The following SH2B2 variants were observed in gnomAD, a reference collection of about 807,000 sequenced individuals.
The protein encoded by SH2B2 is SH2B adapter protein 2.
SH2B2 carries 37 observed loss-of-function variants against 35.7 expected under a neutral mutation model. The observed-to-expected ratio is 1.04, with a 90% CI of 0.80 to 1.36. SH2B2 has a LOEUF of 1.36. SH2B2 is among the 40% of genes most tolerant of loss of function. SH2B2 has a pLI of 0.00. For synonymous variants in SH2B2, 383 were observed against 376.4 expected, an observed-to-expected ratio of 1.02 and a Z score of -0.20; for missense variants, 852 against 817.7, an observed-to-expected ratio of 1.04 and a Z score of -0.51.
rs1792950023 is a variant in SH2B2 at position 102,297,157 on chromosome 7, C to A, written c.-29-3365C>A. Among the ~76,000 whole-genome samples the A allele has an allele frequency of 6.6e-6, 1 of 152,090 alleles. No homozygotes were observed. The highest frequency in any genetic ancestry group is 2.4e-5 in the African/African-American group (1 of 41,396). ...TGAGTAGCAGGATGAAGTCTCAAAC[C>A]ATCCCGCTGTTCTGCCTGGGATGTG... On this transcript the variant is annotated intron_variant, in intron 1 of 8. Transcript: ENST00000444095. This position sits in a 1 kb window ranked among gnomAD's most constrained non-coding sequence, Gnocchi z 4.3.
In SH2B2 at chr7:102,300,660, A is replaced by G. The variant is rs1222141493; in HGVS notation, c.110A>G (p.Asp37Gly). The change falls in exon 2 of 9, where the codon GAC becomes GGC. Residue 37 changes from aspartate (D) to glycine (G), a missense_variant. Asp to Gly is a moderately conservative substitution (Grantham distance 94, BLOSUM62 -1). This residue lies in a region of SH2B2 where 294 missense variants were observed against 286.6 expected (regional missense o/e 1.03). Coordinates refer to ENST00000444095, the MANE Select transcript of SH2B2 (RefSeq NM_001359228.2). The part of the protein sequence containing the change: ...CELHAQAAAV[D>G]FAHKFCRFLR... Reference sequence around the variant, plus strand: ...CTGCATGCGCAGGCGGCCGCCGTGGACTTTGCGCACAAGTTCTGCCGTTTC... The same window carrying G: ...CTGCATGCGCAGGCGGCCGCCGTGGGCTTTGCGCACAAGTTCTGCCGTTTC... 4 of 1,549,306 alleles carry G rather than the reference A, an allele frequency of 2.6e-6. No individual in the cohort carries two copies. Among genetic ancestry groups the G allele is most frequent in the Non-Finnish European group, 1.7e-6 (2 of 1,144,920 alleles).
chr7:102,299,197 C>CTTTTTTTTTTTTTGTTTTTTTTTT, intron 1 of SH2B2, among the ~76,000 whole-genome samples: 1 of 24,634 alleles, frequency 4.1e-5, no homozygotes, highest in Non-Finnish European at 6.9e-5. Context: ...CCGCGCCTGG[C>CTTTTTTTTTTTTTGTTTTTTTTTT]TTTTTTTTTT....
rs1554554898 is a variant in SH2B2, at chr7:102,306,701, A to C, written c.730-20A>C. 5 of 1,549,416 alleles carry C rather than the reference A, an allele frequency of 3.2e-6. No homozygotes were observed. Among genetic ancestry groups the C allele is most frequent in the Non-Finnish European group, 1.8e-6 (2 of 1,139,734 alleles). Reference sequence around the variant, plus strand: ...TCGGGAAATGCTGGGGCCACTCACTATCCTTCTTCTGGCCCCCAGGCCTCC... The same window carrying C: ...TCGGGAAATGCTGGGGCCACTCACTCTCCTTCTTCTGGCCCCCAGGCCTCC... On this transcript the variant is annotated intron_variant, in intron 2 of 8. Coordinates refer to ENST00000444095, the MANE Select transcript of SH2B2 (RefSeq NM_001359228.2).
At chr7:102,310,582 A>G (rs753588383) in intron 4 of SH2B2, among the ~76,000 whole-genome samples, 23 of 152,208 alleles carry the variant, frequency 1.5e-4, no homozygotes, top group Non-Finnish European at 2.8e-4. Flanking sequence ...GCAGCCCGAC[A>G]GGCTGAGCAA....
chr7:102,321,457 G>A lies in SH2B2; in HGVS notation c.1726G>A (p.Ala576Thr). The A allele has an allele frequency of 1.6e-6, 2 of 1,231,012 alleles. No homozygotes were observed. Among genetic ancestry groups the A allele is most frequent in the African/African-American group, 1.6e-5 (1 of 62,534 alleles). 76.3% of individuals were successfully genotyped at this position (1,231,012 alleles called of 1,614,324 possible). A position where few individuals can be genotyped will look rare whatever the true frequency, so the allele number is the denominator to read the frequency against. ...CTCGTCTTCCGCCTCGTCGTCCTCT[G>A]CCGCGTCGGGGCCCGCCCCCCCGCG... Reference protein sequence around the residue: ...ASSSSASSSSAASGPAPPRPV... With the variant: ...ASSSSASSSSTASGPAPPRPV... The change falls in exon 9 of 9, where the codon GCC (alanine) becomes ACC (threonine). Residue 576 changes from alanine to threonine, a missense_variant. This residue lies in a region of SH2B2 where 556 missense variants were observed against 514.5 expected (regional missense o/e 1.08). Transcript: ENST00000444095.
At chr7:102,312,627 ATTTCTTTCTTTCTTTT>A (rs1255690494) in intron 4 of SH2B2, among the ~76,000 whole-genome samples, 6 of 152,044 alleles carry the variant, frequency 3.9e-5, no homozygotes, top group South Asian at 2.1e-4. Flanking sequence ...AGATTGGGTA[ATTTCTTTCTTTCTTTT>A]TTTCTTTCTT....
chr7:102,300,477 T>C, intron 1 of SH2B2, 45 bp from the exon 2 acceptor site: 2 of 1,484,046 alleles, frequency 1.3e-6, no homozygotes. Flanking sequence ...GGTGGGCGCA[T>C]TGATCACAGG....
At chr7:102,305,657 G>A (rs1793362425) in intron 2 of SH2B2, among the ~76,000 whole-genome samples, 1 of 152,162 alleles carries the variant, frequency 6.6e-6, no homozygotes, top group Non-Finnish European at 1.5e-5. Flanking sequence ...TGAGATGTTT[G>A]TTTCAGAGAT....
intron 4 of SH2B2, among the ~76,000 whole-genome samples, chr7:102,310,968 C>T (rs1793599835): frequency 6.6e-6 from 1 of 152,202 alleles, no homozygotes; most frequent in African/African-American, 2.4e-5. Flanking sequence ...ACTGTCCACT[C>T]AGTGGTATCC....
intron 4 of SH2B2, chr7:102,309,690 G>C (rs1554555688): frequency 6.0e-6 from 1 of 167,426 alleles, no homozygotes; most frequent in Admixed American, 6.2e-5. Flanking sequence ...AAAAAAAATA[G>C]AGAGAGCTGG....
chr7:102,300,522 C>T lies in SH2B2; in HGVS notation c.-29C>T. ...CACTGCGCGCTCTTCTCGCCCGAAG[C>T]CGCAGGTGGCTGCGATGGGACGGAA... On this transcript the variant is annotated splice_region_variant and 5_prime_UTR_variant, in exon 2 of 9. Coordinates refer to ENST00000444095, the MANE Select transcript of SH2B2 (RefSeq NM_001359228.2). The T allele has an allele frequency of 1.3e-6, 2 of 1,531,880 alleles. No individual in the cohort carries two copies. The highest frequency in any genetic ancestry group is 2.4e-5 in the South Asian group (2 of 82,826). The allele number at this position is 1,531,880 out of a possible 1,614,324, so 94.9% of individuals were successfully genotyped here.
At chr7:102,288,139 C>T (rs1056059997) in intron 1 of SH2B2, among the ~76,000 whole-genome samples, 1 of 152,106 alleles carries the variant, frequency 6.6e-6, no homozygotes, top group Non-Finnish European at 1.5e-5. Flanking sequence ...GGACTGGGGG[C>T]AGGGGGTGTG....
chr7:102,310,854 A>G (rs1554555915), intron 4 of SH2B2, among the ~76,000 whole-genome samples: 1 of 152,056 alleles, frequency 6.6e-6, no homozygotes, highest in African/African-American at 2.4e-5. Flanking sequence ...TCATGTCACA[A>G]ATCGGGAGAG....
chr7:102,314,036 T>C (rs1882751), intron 4 of SH2B2, among the ~76,000 whole-genome samples: 10,834 of 152,246 alleles, frequency 0.071, 1,325 homozygotes, highest in African/African-American at 0.25. Context: ...AGAAGAGGAC[T>C]GAGAGACAAG....
At chr7:102,316,304 T>C (rs1793825780) in intron 6 of SH2B2, among the ~76,000 whole-genome samples, 2 of 151,252 alleles carry the variant, frequency 1.3e-5, no homozygotes, top group Non-Finnish European at 2.9e-5. Flanking sequence ...ATAAAATTAT[T>C]TGGCTGGGCG....
intron 2 of SH2B2, among the ~76,000 whole-genome samples, chr7:102,303,166 G>A (rs370349482): frequency 3.3e-5 from 5 of 151,392 alleles, no homozygotes; most frequent in African/African-American, 7.3e-5. Flanking sequence ...GTGGTAAGCC[G>A]AGATCACGCC....
chr7:102,309,871 G>A (rs1457193963), intron 4 of SH2B2, among the ~76,000 whole-genome samples: 1 of 152,184 alleles, frequency 6.6e-6, no homozygotes, highest in African/African-American at 2.4e-5. Context: ...TGGGCACGGT[G>A]GCATGCATCT....
At chr7:102,285,550 G>A (rs569325776), upstream of SH2B2, among the ~76,000 whole-genome samples, 42 of 152,344 alleles carry the variant, frequency 2.8e-4, no homozygotes, top group Non-Finnish European at 5.6e-4. Context: ...CCGTGCCCCC[G>A]TGGAGGGCAG....
At chr7:102,288,903 G>C (rs1353786230) in intron 1 of SH2B2, among the ~76,000 whole-genome samples, 2 of 152,218 alleles carry the variant, frequency 1.3e-5, no homozygotes, top group Non-Finnish European at 2.9e-5. Flanking sequence ...CCCAGCCTGG[G>C]TTGCAAGGAA....
Sources: gnomAD v4.1 joint callset for allele counts (sites outside exome capture counted in the v4.1 genomes callset) on GRCh38, gnomAD v4.1.1 for gene constraint, gnomAD v4.1.1 regional missense constraint, Gnocchi (gnomAD v3.1) non-coding constraint, MANE v1.5 for transcripts, NCBI Gene and HGNC (gene_info 2026-07-23, HGNC 2026-07-21) for gene names.